The following HSPA9 variants were observed in gnomAD, a reference collection of about 807,000 sequenced individuals.
HSPA9 encodes heat shock protein family A (Hsp70) member 9, also known as stress-70 protein, mitochondrial.
A neutral mutation model predicts 81.5 loss-of-function variants in HSPA9; 28 were observed. The ratio of observed to expected loss-of-function variants is 0.34; its 90% CI spans 0.25 to 0.47. The LOEUF (loss-of-function observed/expected upper bound fraction) is 0.47, where lower values mean the gene tolerates loss of function less well. Among genes scored for constraint, HSPA9 ranks in the 20% least tolerant of loss-of-function variants. The pLI is 1.00. For missense variants in HSPA9, 678 were observed against 838.0 expected (o/e 0.81, Z 2.36); for synonymous variants, 293 against 290.4 (o/e 1.01, Z -0.09).
chr5:138,558,633 G>T lies in HSPA9; in HGVS notation c.1435C>A (p.Gln479Lys). ...SQVFSTAADG[Q>K]TQVEIKVCQG... is the part of the protein sequence containing the mutation. Reference sequence around the variant, plus strand: ...CACACTTTAATTTCCACTTGCGTTTGACCATCAGCGGCAGTAGAGAATACC... The same window carrying T: ...CACACTTTAATTTCCACTTGCGTTTTACCATCAGCGGCAGTAGAGAATACC... The change falls in exon 12 of 17, where the codon CAA becomes AAA. Residue 479 changes from glutamine to lysine, a missense_variant. Coordinates refer to ENST00000297185, the MANE Select transcript of HSPA9 (RefSeq NM_004134.7). 1.2e-6 allele frequency: 2 copies of T among 1,613,234 alleles called. No individual in the cohort carries two copies. Among genetic ancestry groups the T allele is most frequent in the South Asian group, 2.2e-5 (2 of 91,024 alleles).
chr5:138,565,812 C>T (rs7711958), intron 9 of HSPA9, among the ~76,000 whole-genome samples: 59,779 of 152,032 alleles, frequency 0.39, 12,391 homozygotes, highest in East Asian at 0.8. Context: ...CTCCTGGGCT[C>T]AAACAATCCT....
chr5:138,574,363 C>T (rs1405713315), intron 1 of HSPA9, among the ~76,000 whole-genome samples: 1 of 152,194 alleles, frequency 6.6e-6, no homozygotes, highest in Non-Finnish European at 1.5e-5. Context: ...GTGGTGGGGG[C>T]TGTTCTGTGC....
At position 138,567,169 on chromosome 5, in the gene HSPA9, A is replaced by T; in HGVS notation, c.717-6T>A. 1 of 1,575,066 alleles carries T rather than the reference A, an allele frequency of 6.3e-7. No homozygotes were observed. The highest frequency in any genetic ancestry group is 8.6e-7 in the Non-Finnish European group (1 of 1,165,334). Reference sequence around the variant, plus strand: ...CTAAATCATATACAGCAATGCTGTAAATGATTTGTGAAAAAAAAAAGAAAA... The same window carrying T: ...CTAAATCATATACAGCAATGCTGTATATGATTTGTGAAAAAAAAAAGAAAA... On this transcript the variant is annotated splice_polypyrimidine_tract_variant and splice_region_variant and intron_variant, in intron 7 of 16. Coordinates refer to ENST00000297185, the MANE Select transcript of HSPA9 (RefSeq NM_004134.7).
Position 138,572,550 on chromosome 5 carries a change from C to G in HSPA9, c.228+1213G>C, listed in dbSNP as rs567538045. On this transcript the variant is annotated intron_variant, in intron 3 of 16. Coordinates refer to ENST00000297185, the MANE Select transcript of HSPA9 (RefSeq NM_004134.7). ...CTATTTCTTTTGAAGCCTCCTTACT[C>G]TGTACATGCAACCTTTATTCCCACC... Among the ~76,000 whole-genome samples the G allele has an allele frequency of 3.5e-4, 54 of 152,198 alleles. 1 individual carries two copies. The highest frequency in any genetic ancestry group is 6.5e-4 in the Admixed American group (10 of 15,282).
intron 5 of HSPA9, 85 bp from the exon 6 acceptor site, chr5:138,567,807 G>A: frequency 2.1e-6 from 2 of 969,708 alleles, no homozygotes; most frequent in East Asian, 2.6e-5. Flanking sequence ...TCCTTTTGCA[G>A]CCACAGACAA....
intron 2 of HSPA9, 89 bp from the exon 3 acceptor site, chr5:138,573,939 G>T: frequency 2.4e-6 from 3 of 1,244,694 alleles, no homozygotes; most frequent in African/African-American, 1.5e-5. Flanking sequence ...AAAATTAACA[G>T]TGGTATACTA....
chr5:138,572,793 T>C (rs1189597729), intron 3 of HSPA9, among the ~76,000 whole-genome samples: 1 of 152,194 alleles, frequency 6.6e-6, no homozygotes, highest in South Asian at 2.1e-4. Flanking sequence ...ATGCCTGATA[T>C]CTGTGGCCAA....
rs1750788864 is a variant in HSPA9, at chr5:138,567,359, A to G, written c.716+96T>C. On this transcript the variant is annotated intron_variant, in intron 7 of 16. Coordinates refer to ENST00000297185, the MANE Select transcript of HSPA9 (RefSeq NM_004134.7). ...AAAAACAAAGACAATACAGACTTAA[A>G]ATCAGTAAAAGCACTGTAAAAGGCT... 1.8e-5 allele frequency: 20 copies of G among 1,099,834 alleles called. No individual in the cohort carries two copies. In the Admixed American group the frequency reaches 1.8e-4, roughly 10 times the overall value. The allele number at this position is 1,099,834 out of a possible 1,614,324, so 68.1% of individuals were successfully genotyped here.
At chr5:138,556,634 C>T (rs1750527143) in intron 15 of HSPA9, 42 bp from the exon 16 acceptor site, 2 of 1,607,010 alleles carry the variant, frequency 1.2e-6, no homozygotes, top group Non-Finnish European at 8.5e-7. Flanking sequence ...TCCAGGTCTC[C>T]TGTACCATTA....
rs1053945978 is a variant in HSPA9 at position 138,566,849 on chromosome 5, C to T, written c.880-131G>A. 15 of 1,131,026 alleles carry T rather than the reference C, an allele frequency of 1.3e-5. No individual in the cohort carries two copies. The South Asian group carries it at 1.9e-4, about 14-fold the overall frequency. 70.1% of individuals were successfully genotyped at this position (1,131,026 alleles called of 1,614,324 possible). The stretch of plus-strand genomic sequence containing the variant: ...TAAGCATGAATTACTTTTTATTACC[C>T]TTAATGTGTAGGGAAAAAAAATATT... On this transcript the variant is annotated intron_variant, in intron 8 of 16. Transcript: ENST00000297185.
In HSPA9 at chr5:138,573,776, C is replaced by T. The variant is rs371470221; in HGVS notation, c.215G>A (p.Gly72Asp). Residue 72 changes from glycine to aspartate, a missense_variant, in exon 3 of 17, where the codon GGT (glycine) becomes GAT (aspartate). Around this residue, in one of 4 missense-constraint regions of HSPA9, gnomAD observed 484 missense variants for 647.5 expected, o/e 0.75. Transcript: ENST00000297185. ...AATCATGCTCACCTTTGCTTGTTTACCTTCCATAACTGCCACGCAGGAGTT... is the reference window on the plus strand; with the variant it reads ...AATCATGCTCACCTTTGCTTGTTTATCTTCCATAACTGCCACGCAGGAGTT... The part of the protein sequence containing the change: ...TTNSCVAVME[G>D]KQAKVLENAE... 1.2e-6 allele frequency: 2 copies of T among 1,602,998 alleles called. No individual in the cohort carries two copies. The highest frequency in any genetic ancestry group is 1.7e-6 in the Non-Finnish European group (2 of 1,172,026).
At chr5:138,557,251 C>A in intron 14 of HSPA9, 151 bp downstream of exon 14, 1 of 693,512 alleles carries the variant, frequency 1.4e-6, no homozygotes. Flanking sequence ...AGGCGTGCAC[C>A]ACCACGCCCG....
chr5:138,573,528 G>A (rs962943642), intron 3 of HSPA9, among the ~76,000 whole-genome samples: 1 of 149,698 alleles, frequency 6.7e-6, no homozygotes. Context: ...GTTCATGCCT[G>A]TAATCCCAGC....
intron 5 of HSPA9, 142 bp downstream of exon 5, chr5:138,568,783 A>G (rs1211929466): frequency 2.1e-5 from 17 of 824,442 alleles, no homozygotes; most frequent in African/African-American, 1.0e-4. Context: ...AGCATGAAGT[A>G]TAACACAGTT....
chr5:138,558,078 A>G lies in HSPA9; in HGVS notation c.1516-92T>C, dbSNP rs1750568787. The G allele has an allele frequency of 3.4e-6, 3 of 874,374 alleles. No homozygotes were observed. The East Asian group carries it at 7.3e-5, about 21-fold the overall frequency. 54.2% of individuals were successfully genotyped at this position (874,374 alleles called of 1,614,324 possible). A position where few individuals can be genotyped will look rare whatever the true frequency, so the allele number is the denominator to read the frequency against. ...TATATGGTTTTCTAGTAAACAAGTC[A>G]CTTGGTTCCTGGGAGAAACAAGTGA... On this transcript the variant is annotated intron_variant, in intron 12 of 16. Transcript: ENST00000297185.
intron 9 of HSPA9, among the ~76,000 whole-genome samples, chr5:138,565,052 T>C (rs1445356866): frequency 6.6e-6 from 1 of 152,238 alleles, no homozygotes; most frequent in Non-Finnish European, 1.5e-5. Flanking sequence ...ATTTATTCTA[T>C]AGATTTAAAA....
intron 1 of HSPA9, chr5:138,574,959 C>T (rs996272903): frequency 1.6e-5 from 9 of 558,816 alleles, no homozygotes; most frequent in Non-Finnish European, 2.9e-5. Context: ...CAAACCTTTC[C>T]ATTCAGCCAC....
At chr5:138,560,122 C>T in intron 10 of HSPA9, 31 bp from the exon 11 acceptor site, 2 of 1,560,062 alleles carry the variant, frequency 1.3e-6, no homozygotes, top group Non-Finnish European at 1.8e-6. Context: ...ACCTGTCGGC[C>T]CACACTTGGG....
chr5:138,573,664 AAAAAG>A, intron 3 of HSPA9, 94 bp downstream of exon 3: 4 of 653,288 alleles, frequency 6.1e-6, no homozygotes, highest in Non-Finnish European at 1.0e-5. Flanking sequence ...AAAAAAAAAA[AAAAAG>A]CGCAAATCAG....
Sources: allele counts gnomAD v4.1 joint callset (sites outside exome capture counted in the v4.1 genomes callset), GRCh38; gene constraint gnomAD v4.1.1; regional missense constraint gnomAD v4.1.1; transcripts MANE v1.5; gene names NCBI Gene and HGNC (gene_info 2026-07-23, HGNC 2026-07-21).